The following NOXRED1 variants were observed in gnomAD, a reference collection of about 807,000 sequenced individuals.
The protein encoded by NOXRED1 is NADP dependent oxidoreductase domain containing 1, also known as NADP-dependent oxidoreductase domain-containing protein 1.
NOXRED1 carries 20 observed loss-of-function variants against 30.4 expected under a neutral mutation model. That is an observed-to-expected ratio of 0.66 (90% CI 0.46 to 0.96). NOXRED1 has a LOEUF of 0.96. Ranked by LOEUF, NOXRED1 falls within the 40% of genes least tolerant of loss-of-function variation. NOXRED1 has a pLI of 0.00. For missense variants in NOXRED1, 374 were observed against 428.0 expected (o/e 0.87, Z 1.11); for synonymous variants, 155 against 168.0 (o/e 0.92, Z 0.60).
intron 2 of NOXRED1, among the ~76,000 whole-genome samples, chr14:77,413,083 G>T (rs138632416): frequency 1.3e-5 from 2 of 152,020 alleles, no homozygotes; most frequent in African/African-American, 4.8e-5. Flanking sequence ...GATCAGTTTT[G>T]ACAAAAGCAT....
At chr14:77,410,222 T>C (rs543342239) in intron 2 of NOXRED1, among the ~76,000 whole-genome samples, 2 of 152,192 alleles carry the variant, frequency 1.3e-5, no homozygotes, top group East Asian at 3.9e-4. Context: ...TGGTTGAGCC[T>C]AGCAGTTTAA....
At chr14:77,420,508 TG>T (rs1894964912) in intron 1 of NOXRED1, among the ~76,000 whole-genome samples, 1 of 151,818 alleles carries the variant, frequency 6.6e-6, no homozygotes, top group African/African-American at 2.4e-5. Context: ...ATTTGTAATT[TG>T]TAATTTGTAA....
chr14:77,414,723 A>G (rs1253052564), intron 1 of NOXRED1, among the ~76,000 whole-genome samples: 1 of 152,200 alleles, frequency 6.6e-6, no homozygotes, highest in Non-Finnish European at 1.5e-5. Context: ...TTGCCTGGTT[A>G]AACAGTCTGA....
At chr14:77,400,036 C>T (rs1332595687) in intron 5 of NOXRED1, among the ~76,000 whole-genome samples, 1 of 152,086 alleles carries the variant, frequency 6.6e-6, no homozygotes, top group Non-Finnish European at 1.5e-5. Flanking sequence ...TTTTTAGGAT[C>T]ATGCAAGCAA....
chr14:77,413,897 C>T (rs774856501), intron 2 of NOXRED1, 37 bp downstream of exon 2: 1 of 1,480,210 alleles, frequency 6.8e-7, no homozygotes, highest in Non-Finnish European at 9.1e-7. Context: ...CTACACAGCA[C>T]AACCAAGCCC....
Position 77,423,144 on chromosome 14 carries a change from A to G in NOXRED1, c.-255T>C. Reference sequence around the variant, plus strand: ...GCTGCCCATGAATCCTGGACTCATGAAAAACCTGTACAGAAACCCAAAGTA... The same window carrying G: ...GCTGCCCATGAATCCTGGACTCATGGAAAACCTGTACAGAAACCCAAAGTA... On this transcript the variant is annotated 5_prime_UTR_variant, in exon 1 of 6. Transcript: ENST00000380835. 1 of 404,866 alleles carries G rather than the reference A, an allele frequency of 2.5e-6. No homozygotes were observed. 25.1% of individuals were successfully genotyped at this position (404,866 alleles called of 1,614,324 possible).
At chr14:77,423,937 T>G (rs1338088630), upstream of NOXRED1, among the ~76,000 whole-genome samples, 1 of 152,212 alleles carries the variant, frequency 6.6e-6, no homozygotes, top group East Asian at 1.9e-4. Flanking sequence ...TGCAAAATAC[T>G]TTCATATTCC....
At chr14:77,424,216 C>T (rs182754850), upstream of NOXRED1, among the ~76,000 whole-genome samples, 540 of 152,252 alleles carry the variant, frequency 3.5e-3, 2 homozygotes, top group African/African-American at 0.012. Context: ...TTTGGGAGGC[C>T]GAGGCAGGCG....
chr14:77,404,074 G>A (rs1206658459), intron 5 of NOXRED1, among the ~76,000 whole-genome samples: 1 of 152,086 alleles, frequency 6.6e-6, no homozygotes, highest in Non-Finnish European at 1.5e-5. Flanking sequence ...AAAATAGAAC[G>A]CTAGAATAAA....
At chr14:77,412,896 T>C (rs1208656405) in intron 2 of NOXRED1, among the ~76,000 whole-genome samples, 1 of 151,998 alleles carries the variant, frequency 6.6e-6, no homozygotes, top group African/African-American at 2.4e-5. Flanking sequence ...ACAGTGTCGA[T>C]TACTGATATA....
intron 1 of NOXRED1, among the ~76,000 whole-genome samples, chr14:77,418,242 C>T (rs1021683172): frequency 2.0e-5 from 3 of 151,956 alleles, no homozygotes; most frequent in African/African-American, 7.3e-5. Flanking sequence ...TCAGGTGATC[C>T]TCCCGCCTCA....
intron 1 of NOXRED1, among the ~76,000 whole-genome samples, chr14:77,417,513 T>C (rs762996185): frequency 1.3e-5 from 2 of 152,282 alleles, no homozygotes; most frequent in African/African-American, 4.8e-5. Flanking sequence ...GGTCTTTTTA[T>C]CATCATGTCA....
chr14:77,425,764 T>C (rs908752883), upstream of NOXRED1, among the ~76,000 whole-genome samples: 17 of 152,248 alleles, frequency 1.1e-4, no homozygotes, highest in Non-Finnish European at 2.2e-4. Flanking sequence ...GCACGCCTAG[T>C]GTGGCAACAG....
chr14:77,419,216 G>A, intron 1 of NOXRED1, among the ~76,000 whole-genome samples: 1 of 151,726 alleles, frequency 6.6e-6, no homozygotes, highest in Middle Eastern at 3.4e-3. Flanking sequence ...GGGATTACAG[G>A]TACCTGCCAC....
intron 1 of NOXRED1, among the ~76,000 whole-genome samples, chr14:77,418,619 T>C (rs1894899148): frequency 2.0e-5 from 3 of 152,042 alleles, no homozygotes; most frequent in Non-Finnish European, 4.4e-5. Flanking sequence ...AGCCTCTACT[T>C]TCCAGGCTCA....
chr14:77,398,505 G>A (rs1161875732), intron 5 of NOXRED1, among the ~76,000 whole-genome samples: 1 of 152,014 alleles, frequency 6.6e-6, no homozygotes, highest in African/African-American at 2.4e-5. Context: ...AGGAGGAATG[G>A]GCTCCTCAAC....
chr14:77,411,687 AC>A (rs1267843386), intron 2 of NOXRED1, among the ~76,000 whole-genome samples: 1 of 152,080 alleles, frequency 6.6e-6, no homozygotes, highest in East Asian at 1.9e-4. Flanking sequence ...ACAAGTGGCA[AC>A]TTTTGGGGGT....
intron 1 of NOXRED1, among the ~76,000 whole-genome samples, chr14:77,420,639 A>G (rs1243257374): frequency 6.6e-6 from 1 of 151,872 alleles, no homozygotes; most frequent in Non-Finnish European, 1.5e-5. Flanking sequence ...TTGTTAGGTA[A>G]CTCACAGATC....
intron 2 of NOXRED1, among the ~76,000 whole-genome samples, chr14:77,411,385 G>A (rs149154623): frequency 0.01 from 1,518 of 149,494 alleles, 24 homozygotes; most frequent in South Asian, 0.037. Flanking sequence ...CAGGAGAATC[G>A]CTTGAACCCG....
Sources: gnomAD v4.1 joint callset for allele counts (sites outside exome capture counted in the v4.1 genomes callset) on GRCh38, gnomAD v4.1.1 for gene constraint, MANE v1.5 for transcripts, NCBI Gene and HGNC (gene_info 2026-07-23, HGNC 2026-07-21) for gene names.